MED27: variants seen among roughly 807,000 people sequenced by gnomAD.
MED27 encodes mediator of RNA polymerase II transcription subunit 27.
A neutral mutation model predicts 38.2 loss-of-function variants in MED27; 30 were observed. The observed-to-expected ratio is 0.79, with a 90% CI of 0.59 to 1.07. The LOEUF is 1.07. Among genes scored for constraint, MED27 ranks in the 50% least tolerant of loss-of-function variants. MED27 has a pLI of 0.00. For missense variants in MED27, 289 were observed against 397.5 expected, an observed-to-expected ratio of 0.73 and a Z score of 2.32; for synonymous variants, 122 against 153.5, an observed-to-expected ratio of 0.79 and a Z score of 1.52.
intron 3 of MED27, among the ~76,000 whole-genome samples, chr9:131,978,818 A>G (rs1831669890): frequency 6.6e-6 from 1 of 152,246 alleles, no homozygotes; most frequent in Non-Finnish European, 1.5e-5. Context: ...GCAGAGCTGG[A>G]GAAACCATCG....
chr9:131,945,122 T>C (rs1275505651), intron 3 of MED27, among the ~76,000 whole-genome samples: 1 of 147,084 alleles, frequency 6.8e-6, no homozygotes, highest in Non-Finnish European at 1.5e-5. Flanking sequence ...TATAAATATA[T>C]AAAAATATCT....
At chr9:131,941,876 A>G (rs1490120250) in intron 3 of MED27, among the ~76,000 whole-genome samples, 1 of 118,646 alleles carries the variant, frequency 8.4e-6, no homozygotes, top group African/African-American at 3.3e-5. Context: ...CCCAGGCTGG[A>G]GTGCAGTGGC....
At chr9:132,055,941 G>A (rs1291486025) in intron 2 of MED27, among the ~76,000 whole-genome samples, 1 of 152,114 alleles carries the variant, frequency 6.6e-6, no homozygotes, top group Non-Finnish European at 1.5e-5. Flanking sequence ...GCCAGCTTAG[G>A]CCCATTTTTC....
At chr9:131,881,526 G>C (rs922838071) in intron 6 of MED27, among the ~76,000 whole-genome samples, 1 of 152,152 alleles carries the variant, frequency 6.6e-6, no homozygotes, top group African/African-American at 2.4e-5. Flanking sequence ...GGTGTTAGAA[G>C]AATCAAGCTA....
intron 4 of MED27, among the ~76,000 whole-genome samples, chr9:131,926,486 T>C (rs1830486043): frequency 1.3e-5 from 2 of 152,212 alleles, no homozygotes; most frequent in African/African-American, 4.8e-5. Flanking sequence ...TTCCCCTCAC[T>C]CCCTGCTTCC....
rs957537223 is a variant in MED27 at position 131,872,244 on chromosome 9, CTG to C, written c.724-9106_724-9105del. Among the ~76,000 whole-genome samples, 12 of 152,244 alleles carry C rather than the reference CTG, an allele frequency of 7.9e-5. No individual in the cohort carries two copies. The highest frequency in any genetic ancestry group is 2.9e-4 in the African/African-American group (12 of 41,462). On this transcript the variant is annotated intron_variant, in intron 6 of 7. Coordinates refer to ENST00000292035, the MANE Select transcript of MED27 (RefSeq NM_004269.4). This position sits in a 1 kb window ranked among gnomAD's most constrained non-coding sequence, Gnocchi z 5.6. ...TGCTTCCCACCACCAGGGGACAGGACTGTGGCCGAGCAGCGCCTGGGGGAGCT... is the reference window on the plus strand; with the variant it reads ...TGCTTCCCACCACCAGGGGACAGGACTGGCCGAGCAGCGCCTGGGGGAGCT...
At position 131,862,392 on chromosome 9, in the gene MED27, G is replaced by A. The variant is rs1217414962; in HGVS notation, c.801+671C>T. Reference sequence around the variant, plus strand: ...AGAGCATGACGGTGGAACAGCTGGCGGCTACGTCTGTCAAGGACGCGGGGA... The same window carrying A: ...AGAGCATGACGGTGGAACAGCTGGCAGCTACGTCTGTCAAGGACGCGGGGA... On this transcript the variant is annotated intron_variant, in intron 7 of 7. Transcript: ENST00000292035. The surrounding 1 kb of genome is among the most constrained non-coding windows in gnomAD (Gnocchi z 4.6). 6.6e-6 allele frequency among the ~76,000 whole-genome samples: 1 copy of A among 152,162 alleles called. No homozygotes were observed. Among genetic ancestry groups the A allele is most frequent in the African/African-American group, 2.4e-5 (1 of 41,426 alleles).
intron 2 of MED27, among the ~76,000 whole-genome samples, chr9:132,060,302 GGAA>G (rs1332546981): frequency 6.6e-6 from 1 of 152,156 alleles, no homozygotes; most frequent in Non-Finnish European, 1.5e-5. Context: ...CAGACACAGT[GGAA>G]GAAGATGAGT....
At chr9:131,954,676 C>T (rs943005992) in intron 3 of MED27, among the ~76,000 whole-genome samples, 2 of 152,154 alleles carry the variant, frequency 1.3e-5, no homozygotes, top group African/African-American at 4.8e-5. Context: ...ACCACTGACC[C>T]TCTGAGCCCT....
chr9:131,890,668 C>T lies in MED27; in HGVS notation c.681+3217G>A, dbSNP rs1399158287. ...CTGGGCTCCTACCGTGCTCCTGGCA[C>T]AGAAGTGCACCCTACAGACAGACAG... On this transcript the variant is annotated intron_variant, in intron 5 of 7. Coordinates refer to ENST00000292035, the MANE Select transcript of MED27 (RefSeq NM_004269.4). Among the ~76,000 whole-genome samples, 4 of 152,312 alleles carry T rather than the reference C, an allele frequency of 2.6e-5. No individual in the cohort carries two copies. In the East Asian group the frequency reaches 7.7e-4, roughly 29 times the overall value.
intron 3 of MED27, among the ~76,000 whole-genome samples, chr9:131,951,632 C>G (rs1307336913): frequency 2.6e-5 from 4 of 152,238 alleles, no homozygotes; most frequent in East Asian, 1.9e-4. Flanking sequence ...GCATCACTAT[C>G]CTCTTCACAT....
Position 132,030,248 on chromosome 9 carries a change from C to T in MED27, c.349-15781G>A, listed in dbSNP as rs952703767. 7.9e-5 allele frequency among the ~76,000 whole-genome samples: 12 copies of T among 152,364 alleles called. No individual in the cohort carries two copies. The East Asian group carries it at 1.9e-3, about 24-fold the overall frequency. ...CTCGTGACAGCGCTGCCTGGCTCTCCAAGGCCCTGACCCAAGGGAGTGGCT... is the reference window on the plus strand; with the variant it reads ...CTCGTGACAGCGCTGCCTGGCTCTCTAAGGCCCTGACCCAAGGGAGTGGCT... On this transcript the variant is annotated intron_variant, in intron 2 of 7. Transcript: ENST00000292035.
At chr9:132,047,302 A>C (rs1019917974) in intron 2 of MED27, among the ~76,000 whole-genome samples, 4 of 152,136 alleles carry the variant, frequency 2.6e-5, no homozygotes, top group South Asian at 4.2e-4. Context: ...AGAGATCGAT[A>C]ACCACGAGGA....
intron 3 of MED27, among the ~76,000 whole-genome samples, chr9:131,999,953 T>C (rs1274903682): frequency 6.6e-6 from 1 of 152,046 alleles, no homozygotes; most frequent in Non-Finnish European, 1.5e-5. Context: ...GAGCAGACAG[T>C]GGGTGTCCAA....
intron 5 of MED27, among the ~76,000 whole-genome samples, chr9:131,886,633 G>A (rs1839145905): frequency 6.6e-6 from 1 of 152,200 alleles, no homozygotes. Context: ...TCAACAATTT[G>A]CAAGGGGAAA....
chr9:131,993,228 A>C (rs1832015396), intron 3 of MED27, among the ~76,000 whole-genome samples: 2 of 97,642 alleles, frequency 2.0e-5, no homozygotes, highest in Admixed American at 1.0e-4. Flanking sequence ...GTTGTTATTC[A>C]TGTTTTTTTT....
chr9:131,891,322 G>A (rs1348461641), intron 5 of MED27, among the ~76,000 whole-genome samples: 12 of 152,246 alleles, frequency 7.9e-5, no homozygotes, highest in Admixed American at 6.5e-4. Context: ...AGTCAGAAAG[G>A]AAGGCAGAGG....
At chr9:131,927,465 A>G (rs1243918101) in intron 4 of MED27, among the ~76,000 whole-genome samples, 1 of 152,240 alleles carries the variant, frequency 6.6e-6, no homozygotes, top group African/African-American at 2.4e-5. Flanking sequence ...GATACATATG[A>G]AAGTCAAAGA....
chr9:132,030,612 C>T (rs944193761), intron 2 of MED27, among the ~76,000 whole-genome samples: 2 of 152,180 alleles, frequency 1.3e-5, no homozygotes, highest in Non-Finnish European at 2.9e-5. Flanking sequence ...CATGTCTGCA[C>T]ACATTTCTTA....
Sources: gnomAD v4.1 joint callset for allele counts (sites outside exome capture counted in the v4.1 genomes callset) on GRCh38, gnomAD v4.1.1 for gene constraint, Gnocchi (gnomAD v3.1) non-coding constraint, MANE v1.5 for transcripts, NCBI Gene and HGNC (gene_info 2026-07-23, HGNC 2026-07-21) for gene names.